Variants in APBA1 observed in about 807,000 individuals in gnomAD.
The protein encoded by APBA1 is amyloid beta precursor protein binding family A member 1, also known as amyloid-beta A4 precursor protein-binding family A member 1.
In APBA1, 55 loss-of-function variants were observed where a neutral mutation model predicts 86.6. The observed-to-expected ratio is 0.64, with a 90% CI of 0.51 to 0.80. The LOEUF (loss-of-function observed/expected upper bound fraction) is 0.80. APBA1 is among the 30% of genes least tolerant of loss of function. The pLI, the probability that APBA1 is intolerant of heterozygous loss-of-function variation, is 0.00. For missense variants in APBA1, 1,090 were observed against 1,183.0 expected, an observed-to-expected ratio of 0.92 and a Z score of 1.15; for synonymous variants, 511 against 493.9, an observed-to-expected ratio of 1.03 and a Z score of -0.46.
intron 1 of APBA1, among the ~76,000 whole-genome samples, chr9:69,634,007 A>C (rs191524495): frequency 1.2e-4 from 18 of 152,352 alleles, no homozygotes; most frequent in African/African-American, 4.1e-4. Flanking sequence ...TTCACTGATC[A>C]TCCTCCCTGC....
At chr9:69,581,416 T>C (rs1181958864) in intron 1 of APBA1, among the ~76,000 whole-genome samples, 3 of 152,174 alleles carry the variant, frequency 2.0e-5, no homozygotes, top group Non-Finnish European at 4.4e-5. Flanking sequence ...CTGCCTCCTT[T>C]GGAAAAGTCA....
intron 3 of APBA1, among the ~76,000 whole-genome samples, chr9:69,473,894 A>G (rs1835404169): frequency 6.6e-6 from 1 of 152,212 alleles, no homozygotes; most frequent in Admixed American, 6.5e-5. Context: ...ATTATTACAC[A>G]CAAATAGGAT....
At chr9:69,526,762 C>T (rs1383184010) in intron 1 of APBA1, among the ~76,000 whole-genome samples, 1 of 152,050 alleles carries the variant, frequency 6.6e-6, no homozygotes, top group African/African-American at 2.4e-5. Flanking sequence ...CAAAAAGGCA[C>T]ATGCACTTGT....
At chr9:69,481,523 A>G (rs1482530689) in intron 2 of APBA1, among the ~76,000 whole-genome samples, 2 of 151,910 alleles carry the variant, frequency 1.3e-5, no homozygotes, top group Non-Finnish European at 2.9e-5. Flanking sequence ...AAGAATCAAT[A>G]TCGTGAAAAT....
At position 69,482,455 on chromosome 9, in the gene APBA1, T is replaced by C. The variant is rs564692358; in HGVS notation, c.1201-6312A>G. 1.3e-4 allele frequency among the ~76,000 whole-genome samples: 19 copies of C among 151,136 alleles called. No individual in the cohort carries two copies. The East Asian group carries it at 1.6e-3, about 12-fold the overall frequency. ...CTCACACCAGTTAGAATGGCAATCA[T>C]TAAAAAGTCAGGAAACAATGGGTGC... On this transcript the variant is annotated intron_variant, in intron 2 of 12. Transcript: ENST00000265381.
At chr9:69,524,184 C>G (rs12348797) in intron 1 of APBA1, among the ~76,000 whole-genome samples, 28,231 of 151,812 alleles carry the variant, frequency 0.19, 2,678 homozygotes, top group Admixed American at 0.23. Context: ...ACTAGAAAAA[C>G]AAGAACAAAC....
At chr9:69,543,289 C>T (rs879769111) in intron 1 of APBA1, among the ~76,000 whole-genome samples, 55 of 122,592 alleles carry the variant, frequency 4.5e-4, no homozygotes, top group Non-Finnish European at 8.3e-4. Context: ...CCCCCCCCCC[C>T]CCGGCCTGTC....
At chr9:69,541,319 GT>G (rs35747191) in intron 1 of APBA1, among the ~76,000 whole-genome samples, 121,800 of 149,816 alleles carry the variant, frequency 0.81, 49,642 homozygotes, top group East Asian at 0.91. Context: ...GTATACAGGG[GT>G]TTCCAATTTC....
intron 2 of APBA1, among the ~76,000 whole-genome samples, chr9:69,489,070 G>C (rs1045527312): frequency 2.0e-5 from 3 of 152,078 alleles, no homozygotes; most frequent in African/African-American, 7.2e-5. Flanking sequence ...GTAATTTATA[G>C]ATTCAATGCC....
chr9:69,591,105 G>A (rs1326772562), intron 1 of APBA1, among the ~76,000 whole-genome samples: 2 of 152,186 alleles, frequency 1.3e-5, no homozygotes, highest in Non-Finnish European at 2.9e-5. Context: ...CAAGGCAGCC[G>A]AGGGAGGAGA....
At chr9:69,495,063 G>C (rs534131330) in intron 2 of APBA1, among the ~76,000 whole-genome samples, 1 of 152,170 alleles carries the variant, frequency 6.6e-6, no homozygotes, top group African/African-American at 2.4e-5. Flanking sequence ...TGCTGACGGG[G>C]AGAAAGCAAG....
At chr9:69,604,514 G>GCA (rs1822426189) in intron 1 of APBA1, among the ~76,000 whole-genome samples, 1 of 103,928 alleles carries the variant, frequency 9.6e-6, no homozygotes, top group African/African-American at 3.8e-5. Context: ...GTGGGCACAT[G>GCA]CACACATGAG....
chr9:69,482,200 A>G (rs1328125158), intron 2 of APBA1, among the ~76,000 whole-genome samples: 1 of 152,234 alleles, frequency 6.6e-6, no homozygotes, highest in African/African-American at 2.4e-5. Context: ...CAAAAATGGG[A>G]GAAAATTTTT....
In APBA1 at chr9:69,458,193, T is replaced by C. The variant is rs1332363063; in HGVS notation, c.1483-5A>G. The C allele has an allele frequency of 6.2e-7, 1 of 1,610,672 alleles. No homozygotes were observed. Among genetic ancestry groups the C allele is most frequent in the East Asian group, 2.2e-5 (1 of 44,818 alleles). ...TTTGGCTAATTTCTGGGCCATCTGC[T>C]TAGCATGGAACAAACAGAGACAGGA... On this transcript the variant is annotated splice_region_variant and splice_polypyrimidine_tract_variant and intron_variant, in intron 5 of 12. Transcript: ENST00000265381.
Position 69,669,508 on chromosome 9 carries a change from T to C in APBA1, c.-70+2645A>G, listed in dbSNP as rs780549161. On this transcript the variant is annotated intron_variant, in intron 1 of 12. Coordinates refer to ENST00000265381, the MANE Select transcript of APBA1 (RefSeq NM_001163.4). The stretch of plus-strand genomic sequence containing the variant: ...CCACAGCAAAAGGTACCACCATTTA[T>C]TAGAGCTGTCTCATTAACCTTATAC... Among the ~76,000 whole-genome samples, 9 of 152,254 alleles carry C rather than the reference T, an allele frequency of 5.9e-5. No individual in the cohort carries two copies. The South Asian group carries it at 1.9e-3, about 32-fold the overall frequency.
chr9:69,528,106 T>C (rs1056074876), intron 1 of APBA1, among the ~76,000 whole-genome samples: 6 of 152,178 alleles, frequency 3.9e-5, no homozygotes, highest in Non-Finnish European at 8.8e-5. Flanking sequence ...ATCTTTAATA[T>C]AAGCCTTCAT....
intron 1 of APBA1, among the ~76,000 whole-genome samples, chr9:69,588,352 A>G (rs1485436582): frequency 6.6e-6 from 1 of 152,166 alleles, no homozygotes; most frequent in Non-Finnish European, 1.5e-5. Context: ...GCCTTGGACC[A>G]GAGTGGTAGC....
intron 1 of APBA1, among the ~76,000 whole-genome samples, chr9:69,658,308 T>TTCTC (rs1451417842): frequency 1.0e-4 from 4 of 39,896 alleles, no homozygotes; most frequent in Non-Finnish European, 1.9e-4. Flanking sequence ...CTCTCTCTCT[T>TTCTC]TCTTTCTTTC....
intron 1 of APBA1, among the ~76,000 whole-genome samples, chr9:69,597,881 C>A (rs1369584898): frequency 6.6e-6 from 1 of 152,092 alleles, no homozygotes; most frequent in Non-Finnish European, 1.5e-5. Context: ...TGTGGCGATT[C>A]CTCAGGGATC....
Sources: allele counts gnomAD v4.1 joint callset (sites outside exome capture counted in the v4.1 genomes callset), GRCh38; gene constraint gnomAD v4.1.1; transcripts MANE v1.5; gene names NCBI Gene and HGNC (gene_info 2026-07-23, HGNC 2026-07-21).